The following ZNF649 variants were observed in gnomAD, a reference collection of about 807,000 sequenced individuals.
ZNF649 encodes the protein zinc finger protein 649.
ZNF649 carries 7 observed loss-of-function variants against 14.1 expected under a neutral mutation model. That is an observed-to-expected ratio of 0.49 (90% CI 0.28 to 0.93). The LOEUF (loss-of-function observed/expected upper bound fraction) is 0.93. ZNF649 is among the 40% of genes least tolerant of loss of function. ZNF649 has a pLI of 0.10. For missense variants in ZNF649, 544 were observed against 608.1 expected, an observed-to-expected ratio of 0.89 and a Z score of 1.11; for synonymous variants, 227 against 212.3, an observed-to-expected ratio of 1.07 and a Z score of -0.60.
intron 2 of ZNF649, among the ~76,000 whole-genome samples, chr19:51,898,619 A>G (rs990235061): frequency 1.3e-5 from 2 of 151,900 alleles, no homozygotes; most frequent in African/African-American, 4.8e-5. Context: ...GCATGATTAA[A>G]TCATCAACCA....
At position 51,890,985 on chromosome 19, in the gene ZNF649, G is replaced by A; in HGVS notation, c.1151C>T (p.Ser384Leu). 1 of 1,613,938 alleles carries A rather than the reference G, an allele frequency of 6.2e-7. No homozygotes were observed. ...FVCPECGQPC[S>L]QKSGLIRHQK... The stretch of plus-strand genomic sequence containing the variant: ...ATGTCTAATGAGTCCTGACTTCTGT[G>A]AACAGGGTTGCCCACATTCAGGACA... Residue 384 changes from serine to leucine, a missense_variant, in exon 5 of 5, where the codon TCA becomes TTA. By Grantham distance (145) the Ser-to-Leu change is moderately radical. Coordinates refer to ENST00000354957, the MANE Select transcript of ZNF649 (RefSeq NM_023074.4).
In ZNF649 at chr19:51,891,800, T is replaced by C. The variant is rs1220879256; in HGVS notation, c.336A>G (p.Lys112=). Residue 112 remains lysine (K), a synonymous_variant, in exon 5 of 5, where the codon AAA becomes AAG. Coordinates refer to ENST00000354957, the MANE Select transcript of ZNF649 (RefSeq NM_023074.4). The surrounding 1 kb of genome is among the most constrained non-coding windows in gnomAD (Gnocchi z 4.2). ...TCTGGTTGGTTAAACCTAAATATGA[T>C]TTCAAAGTTCTTCCGTGTTCATAGC... ...GQRYEHGRTL[K]SYLGLTNQSR... is the part of the protein sequence containing the mutation. The C allele has an allele frequency of 2.5e-6, 4 of 1,613,760 alleles. No homozygotes were observed. The highest frequency in any genetic ancestry group is 3.4e-6 in the Non-Finnish European group (4 of 1,179,962).
chr19:51,895,607 GC>G (rs1188829565), intron 4 of ZNF649, among the ~76,000 whole-genome samples: 6 of 152,126 alleles, frequency 3.9e-5, no homozygotes, highest in Non-Finnish European at 5.9e-5. Context: ...CTCCCAAAGT[GC>G]TGGGATTACA....
chr19:51,900,183 G>A lies in ZNF649; in HGVS notation c.-76C>T. 2 of 1,325,818 alleles carry A rather than the reference G, an allele frequency of 1.5e-6. No homozygotes were observed. Among genetic ancestry groups the A allele is most frequent in the Non-Finnish European group, 2.0e-6 (2 of 1,002,300 alleles). 82.1% of individuals were successfully genotyped at this position (1,325,818 alleles called of 1,614,324 possible). ...TTCTTCTGGATCCTCCCTAAATTTT[G>A]GCTAAGAAATCTGAGTCTCCATTTA... On this transcript the variant is annotated 5_prime_UTR_variant, in exon 2 of 5. Transcript: ENST00000354957.
At chr19:51,897,844 G>A (rs780783754) in intron 2 of ZNF649, among the ~76,000 whole-genome samples, 3 of 151,972 alleles carry the variant, frequency 2.0e-5, no homozygotes, top group African/African-American at 7.3e-5. Flanking sequence ...CCATGAGGCC[G>A]GGCATGATGT....
chr19:51,891,682 A>T lies in ZNF649; in HGVS notation c.454T>A (p.Phe152Ile). Residue 152 changes from phenylalanine (F) to isoleucine (I), a missense_variant, in exon 5 of 5, where the codon TTC (phenylalanine) becomes ATC (isoleucine). By Grantham distance (21) the Phe-to-Ile change is conservative. Coordinates refer to ENST00000354957, the MANE Select transcript of ZNF649 (RefSeq NM_023074.4). The surrounding 1 kb of genome is among the most constrained non-coding windows in gnomAD (Gnocchi z 4.2). ...NHEQMPTEIE[F>I]PESRKPISTK... ...CTGATGGGTTTTCTACTTTCAGGGAATTCAATTTCCGTAGGCATTTGTTCA... is the reference window on the plus strand; with the variant it reads ...CTGATGGGTTTTCTACTTTCAGGGATTTCAATTTCCGTAGGCATTTGTTCA... The T allele has an allele frequency of 6.2e-7, 1 of 1,613,628 alleles. No homozygotes were observed. The highest frequency in any genetic ancestry group is 8.5e-7 in the Non-Finnish European group (1 of 1,179,894).
At chr19:51,899,671 C>A (rs1439908091) in intron 2 of ZNF649, 1 of 160,690 alleles carries the variant, frequency 6.2e-6, no homozygotes, top group Non-Finnish European at 1.4e-5. Context: ...GACAAAAAGT[C>A]TATCTTGTCA....
chr19:51,903,105 TAG>T (rs758861352), intron 1 of ZNF649, among the ~76,000 whole-genome samples: 1 of 152,136 alleles, frequency 6.6e-6, no homozygotes, highest in Non-Finnish European at 1.5e-5. Context: ...GCAAGGTTTG[TAG>T]CAAGGGGCGT....
chr19:51,896,631 G>A (rs2085064412), intron 3 of ZNF649, 64 bp from the exon 4 acceptor site: 1 of 1,568,030 alleles, frequency 6.4e-7, no homozygotes, highest in South Asian at 1.1e-5. Flanking sequence ...TCTGATGATA[G>A]GAGAAAGGTA....
In ZNF649 at chr19:51,891,522, G is replaced by C; in HGVS notation, c.614C>G (p.Pro205Arg). ...EHKRIHTGKK[P>R]HVCSLCGKAF... is the part of the protein sequence containing the mutation. ...TTTCCCACACAAGCTACACACGTGGGGTTTCTTTCCTGTATGAATTCTCTT... is the reference window on the plus strand; with the variant it reads ...TTTCCCACACAAGCTACACACGTGGCGTTTCTTTCCTGTATGAATTCTCTT... Residue 205 changes from proline (P) to arginine (R), a missense_variant, in exon 5 of 5, where the codon CCC becomes CGC. Coordinates refer to ENST00000354957, the MANE Select transcript of ZNF649 (RefSeq NM_023074.4). The surrounding 1 kb of genome is among the most constrained non-coding windows in gnomAD (Gnocchi z 4.2). 6.2e-7 allele frequency: 1 copy of C among 1,614,220 alleles called. No homozygotes were observed. Among genetic ancestry groups the C allele is most frequent in the Non-Finnish European group, 8.5e-7 (1 of 1,180,038 alleles).
chr19:51,903,131 C>T (rs181284754), intron 1 of ZNF649, among the ~76,000 whole-genome samples: 1 of 152,096 alleles, frequency 6.6e-6, no homozygotes, highest in Non-Finnish European at 1.5e-5. Flanking sequence ...ACTTCCATGC[C>T]CTCCACGGAA....
intron 1 of ZNF649, among the ~76,000 whole-genome samples, chr19:51,902,309 T>G (rs73582119): frequency 0.011 from 1,634 of 152,306 alleles, 33 homozygotes; most frequent in African/African-American, 0.036. Flanking sequence ...CTAGATATAG[T>G]GTCAGACACC....
chr19:51,890,338 C>A lies in ZNF649; in HGVS notation c.*280G>T. ...AACTACAAAGAGAACAAAAGCTAAC[C>A]CCTACCTTGGCCCCCGGAGTAAGAG... On this transcript the variant is annotated 3_prime_UTR_variant, in exon 5 of 5. Transcript: ENST00000354957. The A allele has an allele frequency of 2.9e-6, 1 of 348,454 alleles. No homozygotes were observed. Among genetic ancestry groups the A allele is most frequent in the Non-Finnish European group, 5.2e-6 (1 of 193,132 alleles). The allele number at this position is 348,454 out of a possible 1,614,324, so 21.6% of individuals were successfully genotyped here.
Position 51,890,816 on chromosome 19 carries a change from GAAGT to G in ZNF649, c.1316_1319del (p.Tyr439SerfsTer22), listed in dbSNP as rs1458114989. ...TATGTTTAACAAGGCAAGACATATA[GAAGT>G]AAGCTTTCTCACACTCATCACAGCC... On this transcript the variant is annotated frameshift_variant, in exon 5 of 5. Coordinates refer to ENST00000354957, the MANE Select transcript of ZNF649 (RefSeq NM_023074.4). LOFTEE classifies it low-confidence loss of function (END_TRUNC). The G allele has an allele frequency of 6.2e-7, 1 of 1,614,222 alleles. No individual in the cohort carries two copies. Among genetic ancestry groups the G allele is most frequent in the Admixed American group, 1.7e-5 (1 of 60,022 alleles).
intron 1 of ZNF649, chr19:51,904,286 A>C (rs2085110705): frequency 6.6e-6 from 1 of 152,096 alleles, no homozygotes; most frequent in Admixed American, 6.5e-5. Flanking sequence ...TTTATCACTG[A>C]TTTGAGTAAT....
Position 51,891,915 on chromosome 19 carries a change from A to C in ZNF649, c.239-18T>G, listed in dbSNP as rs776636642. The C allele has an allele frequency of 6.5e-7, 1 of 1,534,550 alleles. No homozygotes were observed. Among genetic ancestry groups the C allele is most frequent in the Admixed American group, 2.3e-5 (1 of 44,168 alleles). On this transcript the variant is annotated intron_variant, in intron 4 of 4. Transcript: ENST00000354957. This position sits in a 1 kb window ranked among gnomAD's most constrained non-coding sequence, Gnocchi z 4.2. ...CTCAATTTCTAAGAGAGAGAACAATAAATCCTTCCATGATCATCACACGGA... is the reference window on the plus strand; with the variant it reads ...CTCAATTTCTAAGAGAGAGAACAATCAATCCTTCCATGATCATCACACGGA...
Position 51,896,484 on chromosome 19 carries a change from G to A in ZNF649, c.226C>T (p.Pro76Ser). The change falls in exon 4 of 5, where the codon CCA becomes TCA. Residue 76 changes from proline to serine, a missense_variant. By Grantham distance (74) the Pro-to-Ser change is moderately conservative. Transcript: ENST00000354957. ...CTCTCTCACTTACCTGGGTGGGCTG[G>A]ACTGTGGATTTCATCTTCTAGTGTC... ...LWTLEDEIHS[P>S]AHPEIEKADD... is the part of the protein sequence containing the mutation. The A allele has an allele frequency of 6.2e-7, 1 of 1,614,010 alleles. No individual in the cohort carries two copies. The highest frequency in any genetic ancestry group is 8.5e-7 in the Non-Finnish European group (1 of 1,179,950).
chr19:51,899,326 T>C (rs1383334156), intron 2 of ZNF649, among the ~76,000 whole-genome samples: 1 of 152,226 alleles, frequency 6.6e-6, no homozygotes, highest in African/African-American at 2.4e-5. Context: ...CAACATGACA[T>C]TCTAAAGCAA....
At position 51,890,596 on chromosome 19, in the gene ZNF649, T is replaced by C. The variant is rs2085012858; in HGVS notation, c.*22A>G. 1 of 1,534,552 alleles carries C rather than the reference T, an allele frequency of 6.5e-7. No individual in the cohort carries two copies. Among genetic ancestry groups the C allele is most frequent in the African/African-American group, 1.4e-5 (1 of 73,468 alleles). On this transcript the variant is annotated 3_prime_UTR_variant, in exon 5 of 5. Coordinates refer to ENST00000354957, the MANE Select transcript of ZNF649 (RefSeq NM_023074.4). The stretch of plus-strand genomic sequence containing the variant: ...ACTCAGCATTCCGCTGGAGGCTATA[T>C]GATCAAACAGCAAACTGTTTATCAT...
Sources: gnomAD v4.1 joint callset for allele counts (sites outside exome capture counted in the v4.1 genomes callset) on GRCh38, gnomAD v4.1.1 for gene constraint, Gnocchi (gnomAD v3.1) non-coding constraint, MANE v1.5 for transcripts, NCBI Gene and HGNC (gene_info 2026-07-23, HGNC 2026-07-21) for gene names.